Variants in CSMD3 observed in about 807,000 individuals in gnomAD.
CSMD3 encodes the protein CUB and sushi domain-containing protein 3.
A neutral mutation model predicts 435.2 loss-of-function variants in CSMD3; 177 were observed. That is an observed-to-expected ratio of 0.41 (90% CI 0.36 to 0.46). The LOEUF is 0.46. Among genes scored for constraint, CSMD3 ranks in the 20% least tolerant of loss-of-function variants. The pLI is 0.34. For synonymous variants in CSMD3, 1,656 were observed against 1,520.5 expected, an observed-to-expected ratio of 1.09 and a Z score of -2.07; for missense variants, 4,265 against 4,504.6, an observed-to-expected ratio of 0.95 and a Z score of 1.52.
At chr8:113,129,232 C>T (rs1481196723) in intron 4 of CSMD3, among the ~76,000 whole-genome samples, 1 of 152,098 alleles carries the variant, frequency 6.6e-6, no homozygotes, top group Non-Finnish European at 1.5e-5. Flanking sequence ...GCTCAATAGG[C>T]TTGACTTATT....
rs1426689301 is a variant in CSMD3, at chr8:113,289,320, T to TG, written c.402-10617dup. The stretch of plus-strand genomic sequence containing the variant: ...ACATTATTGATAGCTATAACAAACT[T>TG]GGAGTATTTGGGATAAATGTAGTAT... On this transcript the variant is annotated intron_variant, in intron 2 of 70. Coordinates refer to ENST00000297405, the MANE Select transcript of CSMD3 (RefSeq NM_198123.2). 5.3e-5 allele frequency among the ~76,000 whole-genome samples: 8 copies of TG among 151,872 alleles called. No homozygotes were observed. In the East Asian group the frequency reaches 1.5e-3, roughly 29 times the overall value.
intron 1 of CSMD3, among the ~76,000 whole-genome samples, chr8:113,428,769 T>G (rs961673101): frequency 4.6e-5 from 7 of 151,910 alleles, no homozygotes; most frequent in Non-Finnish European, 1.0e-4. Context: ...GATAAACTTG[T>G]ATAACAGAAA....
intron 24 of CSMD3, among the ~76,000 whole-genome samples, chr8:112,567,531 A>G (rs1472751173): frequency 1.3e-5 from 2 of 152,156 alleles, no homozygotes; most frequent in Admixed American, 1.3e-4. Flanking sequence ...CAGATTAATA[A>G]TTTCAATAAT....
chr8:112,839,207 G>A (rs1019710859), intron 11 of CSMD3, among the ~76,000 whole-genome samples: 3 of 151,656 alleles, frequency 2.0e-5, no homozygotes, highest in African/African-American at 7.3e-5. Flanking sequence ...AGAGTCTGGG[G>A]ACACTGAGAG....
intron 26 of CSMD3, among the ~76,000 whole-genome samples, chr8:112,552,277 A>T (rs1165551836): frequency 6.6e-6 from 1 of 151,920 alleles, no homozygotes; most frequent in East Asian, 1.9e-4. Context: ...CTTGAGCCCA[A>T]CATTTTGAGA....
intron 27 of CSMD3, among the ~76,000 whole-genome samples, chr8:112,522,801 T>C (rs1824437901): frequency 6.6e-6 from 1 of 151,948 alleles, no homozygotes; most frequent in Non-Finnish European, 1.5e-5. Context: ...TTCTCATTAT[T>C]GCTACTGTCA....
At chr8:112,453,846 T>C (rs1379832483) in intron 32 of CSMD3, among the ~76,000 whole-genome samples, 1 of 152,242 alleles carries the variant, frequency 6.6e-6, no homozygotes, top group Non-Finnish European at 1.5e-5. Flanking sequence ...GTCATCACAT[T>C]ACCCGACTTC....
At chr8:112,733,176 C>G (rs2077112755) in intron 13 of CSMD3, among the ~76,000 whole-genome samples, 1 of 152,050 alleles carries the variant, frequency 6.6e-6, no homozygotes, top group Non-Finnish European at 1.5e-5. Context: ...ATAATAATAG[C>G]TCTTCCTCTA....
At chr8:113,179,271 T>G (rs1393788585) in intron 3 of CSMD3, among the ~76,000 whole-genome samples, 1 of 151,804 alleles carries the variant, frequency 6.6e-6, no homozygotes, top group African/African-American at 2.4e-5. Context: ...CAAATATTAT[T>G]AACTCAATAA....
intron 5 of CSMD3, among the ~76,000 whole-genome samples, chr8:113,048,382 C>T (rs965087912): frequency 6.6e-6 from 1 of 151,984 alleles, no homozygotes; most frequent in African/African-American, 2.4e-5. Flanking sequence ...CGTGAGCCAC[C>T]GCGCCCAGCC....
chr8:113,158,295 G>A (rs1437014004), intron 4 of CSMD3, among the ~76,000 whole-genome samples: 2 of 151,994 alleles, frequency 1.3e-5, no homozygotes, highest in African/African-American at 4.8e-5. Context: ...TGTAGGGGCA[G>A]CAAAAGGAGA....
At chr8:112,689,595 C>T (rs1366779365) in intron 14 of CSMD3, among the ~76,000 whole-genome samples, 1 of 151,872 alleles carries the variant, frequency 6.6e-6, no homozygotes, top group Non-Finnish European at 1.5e-5. Context: ...GAAGTATGCT[C>T]TCTAGAAAGT....
chr8:112,717,350 A>G (rs776138209), intron 13 of CSMD3, among the ~76,000 whole-genome samples: 8 of 152,214 alleles, frequency 5.3e-5, no homozygotes, highest in Non-Finnish European at 7.3e-5. Flanking sequence ...GAGAAATGCA[A>G]ATCAAAATCA....
intron 1 of CSMD3, among the ~76,000 whole-genome samples, chr8:113,414,957 A>G (rs997953230): frequency 3.3e-5 from 5 of 152,110 alleles, no homozygotes; most frequent in Non-Finnish European, 7.4e-5. Flanking sequence ...CAGAGGCAGT[A>G]TGTAAAAAAA....
At chr8:112,371,012 A>G (rs1190123865) in intron 38 of CSMD3, among the ~76,000 whole-genome samples, 1 of 152,288 alleles carries the variant, frequency 6.6e-6, no homozygotes, top group East Asian at 1.9e-4. Flanking sequence ...TGATCAATGA[A>G]GTTAAAATTT....
intron 13 of CSMD3, among the ~76,000 whole-genome samples, chr8:112,764,391 TAA>T (rs943067546): frequency 6.8e-6 from 1 of 148,066 alleles, no homozygotes; most frequent in Non-Finnish European, 1.5e-5. Context: ...TTTCAGGATT[TAA>T]AAAAAAAAGT....
intron 3 of CSMD3, among the ~76,000 whole-genome samples, chr8:113,239,719 G>A (rs866832201): frequency 6.6e-6 from 1 of 151,924 alleles, no homozygotes; most frequent in African/African-American, 2.4e-5. Flanking sequence ...TGCTGTGAAG[G>A]GACTGTTCGT....
chr8:112,302,487 C>A (rs1337724733), intron 52 of CSMD3, among the ~76,000 whole-genome samples: 2 of 151,942 alleles, frequency 1.3e-5, no homozygotes, highest in East Asian at 3.8e-4. Flanking sequence ...AGATATAATT[C>A]ATCTGTTTTT....
chr8:112,839,644 A>T (rs2132524439), intron 11 of CSMD3, among the ~76,000 whole-genome samples: 1 of 151,742 alleles, frequency 6.6e-6, no homozygotes, highest in Non-Finnish European at 1.5e-5. Context: ...ATTCAAATAA[A>T]TTTGTTAAGA....
Sources: allele counts gnomAD v4.1 joint callset (sites outside exome capture counted in the v4.1 genomes callset), GRCh38; gene constraint gnomAD v4.1.1; transcripts MANE v1.5; gene names NCBI Gene and HGNC (gene_info 2026-07-23, HGNC 2026-07-21).